The following CCSER1 variants were observed in gnomAD, a reference collection of about 807,000 sequenced individuals.
CCSER1 encodes serine-rich coiled-coil domain-containing protein 1.
In CCSER1, 41 loss-of-function variants were observed where a neutral mutation model predicts 82.0. The observed-to-expected ratio is 0.50, with a 90% CI of 0.39 to 0.65. CCSER1 has a LOEUF of 0.65. Among genes scored for constraint, CCSER1 ranks in the 30% least tolerant of loss-of-function variants. CCSER1 has a pLI of 0.00. For missense variants in CCSER1, 1,119 were observed against 1,064.2 expected, an observed-to-expected ratio of 1.05 and a Z score of -0.72; for synonymous variants, 414 against 383.9, an observed-to-expected ratio of 1.08 and a Z score of -0.92.
intron 10 of CCSER1, among the ~76,000 whole-genome samples, chr4:91,553,576 T>A (rs1473545947): frequency 1.3e-5 from 2 of 151,426 alleles, no homozygotes; most frequent in South Asian, 2.1e-4. Context: ...ACGGGAATTT[T>A]TTTTTTGTCT....
intron 3 of CCSER1, among the ~76,000 whole-genome samples, chr4:90,336,593 T>C (rs1007267056): frequency 1.3e-5 from 2 of 152,196 alleles, no homozygotes; most frequent in Non-Finnish European, 2.9e-5. Flanking sequence ...ATTTCCCTTA[T>C]CATTATGTGA....
At chr4:91,322,794 G>A (rs983859880) in intron 10 of CCSER1, among the ~76,000 whole-genome samples, 2 of 152,096 alleles carry the variant, frequency 1.3e-5, no homozygotes, top group Admixed American at 6.6e-5. Flanking sequence ...AAACATGCCA[G>A]ATGAATAAAA....
chr4:91,018,977 C>G (rs772498220), intron 9 of CCSER1, among the ~76,000 whole-genome samples: 1 of 151,942 alleles, frequency 6.6e-6, no homozygotes, highest in Non-Finnish European at 1.5e-5. Context: ...CTATACTGCT[C>G]TGTATGAGAG....
intron 10 of CCSER1, among the ~76,000 whole-genome samples, chr4:91,264,329 G>T (rs1741410833): frequency 6.6e-6 from 1 of 151,654 alleles, no homozygotes; most frequent in South Asian, 2.1e-4. Flanking sequence ...AAAAATCATG[G>T]TTGTAGTTAG....
intron 3 of CCSER1, among the ~76,000 whole-genome samples, chr4:90,362,264 C>G (rs1009006507): frequency 1.3e-5 from 2 of 152,098 alleles, no homozygotes; most frequent in African/African-American, 2.4e-5. Context: ...ACAACCTTTA[C>G]AGTTCTTGAT....
At chr4:90,814,450 A>T (rs79128874) in intron 7 of CCSER1, among the ~76,000 whole-genome samples, 3,323 of 152,094 alleles carry the variant, frequency 0.022, 126 homozygotes, top group African/African-American at 0.076. Flanking sequence ...GTCATCTTGA[A>T]TTTTTCCCCA....
At chr4:91,478,388 G>A (rs1411445083) in intron 10 of CCSER1, among the ~76,000 whole-genome samples, 4 of 151,750 alleles carry the variant, frequency 2.6e-5, no homozygotes, top group African/African-American at 7.2e-5. Flanking sequence ...GAAACAATAT[G>A]TCATTTAGTT....
At chr4:91,562,317 C>G (rs113617078) in intron 10 of CCSER1, among the ~76,000 whole-genome samples, 133 of 151,424 alleles carry the variant, frequency 8.8e-4, no homozygotes, top group African/African-American at 3.1e-3. Context: ...CTTAAAAATT[C>G]TTAAAGCAGA....
Position 91,016,185 on chromosome 4 carries a change from T to C in CCSER1, c.2173-69765T>C, listed in dbSNP as rs185187108. Among the ~76,000 whole-genome samples, 580 of 152,138 alleles carry C rather than the reference T, an allele frequency of 3.8e-3. 6 individuals are homozygous for C. The highest frequency in any genetic ancestry group is 0.013 in the African/African-American group (555 of 41,570). ...TTGAAGTTGACTGGATGATGTTGAA[T>C]AGCTCTAAGTTTTATAAACGTACTT... On this transcript the variant is annotated intron_variant, in intron 9 of 10. Transcript: ENST00000509176.
intron 6 of CCSER1, among the ~76,000 whole-genome samples, chr4:90,648,161 C>T (rs1727934334): frequency 6.6e-6 from 1 of 151,348 alleles, no homozygotes; most frequent in Non-Finnish European, 1.5e-5. Flanking sequence ...CATAGACTCA[C>T]AGTTTTTTGT....
At chr4:91,250,947 G>A (rs1377046467) in intron 10 of CCSER1, among the ~76,000 whole-genome samples, 1 of 151,934 alleles carries the variant, frequency 6.6e-6, no homozygotes, top group Non-Finnish European at 1.5e-5. Context: ...TAAAAATTAC[G>A]ACAATAGTGA....
At position 91,390,675 on chromosome 4, in the gene CCSER1, G is replaced by A. The variant is rs182682562; in HGVS notation, c.2218-207897G>A. On this transcript the variant is annotated intron_variant, in intron 10 of 10. Transcript: ENST00000509176. ...AATTTGTATAATTTTCTCCTTAGAT[G>A]TTTGGTAGAATTCACCAGTGAACCC... 2.2e-4 allele frequency among the ~76,000 whole-genome samples: 34 copies of A among 152,024 alleles called. No homozygotes were observed. In the East Asian group the frequency reaches 5.0e-3, roughly 22 times the overall value.
At chr4:90,298,675 G>T (rs1299956277) in intron 1 of CCSER1, among the ~76,000 whole-genome samples, 1 of 151,500 alleles carries the variant, frequency 6.6e-6, no homozygotes. Context: ...ATGTGTCCCA[G>T]AGATTCTGGT....
intron 10 of CCSER1, among the ~76,000 whole-genome samples, chr4:91,541,194 T>A (rs1305371943): frequency 1.3e-5 from 2 of 152,220 alleles, no homozygotes; most frequent in Non-Finnish European, 2.9e-5. Context: ...TAGTCTCTAC[T>A]TATTTAGTTC....
intron 8 of CCSER1, among the ~76,000 whole-genome samples, chr4:90,867,611 G>A (rs903420541): frequency 2.6e-4 from 39 of 151,570 alleles, no homozygotes; most frequent in African/African-American, 9.0e-4. Flanking sequence ...TCACCCTGTT[G>A]TGCTGTCAAA....
chr4:91,131,602 G>A (rs887008159), intron 10 of CCSER1, among the ~76,000 whole-genome samples: 1 of 151,948 alleles, frequency 6.6e-6, no homozygotes, highest in Non-Finnish European at 1.5e-5. Flanking sequence ...AAAAATCTAT[G>A]TGTATACATA....
At chr4:90,901,406 G>C (rs1172328766) in intron 8 of CCSER1, among the ~76,000 whole-genome samples, 1 of 151,884 alleles carries the variant, frequency 6.6e-6, no homozygotes, top group Non-Finnish European at 1.5e-5. Context: ...GTACTTATGG[G>C]TGCTTTTATG....
chr4:91,168,924 G>A (rs1037498904), intron 10 of CCSER1, among the ~76,000 whole-genome samples: 5 of 152,018 alleles, frequency 3.3e-5, no homozygotes, highest in Admixed American at 2.0e-4. Flanking sequence ...TCTCTGAAAC[G>A]TGCTGTGTCA....
chr4:91,065,192 A>G (rs1003623935), intron 9 of CCSER1, among the ~76,000 whole-genome samples: 1 of 152,162 alleles, frequency 6.6e-6, no homozygotes. Flanking sequence ...CTTTTTAGGA[A>G]GATTTAAGAA....
Sources: allele counts gnomAD v4.1 joint callset (sites outside exome capture counted in the v4.1 genomes callset), GRCh38; gene constraint gnomAD v4.1.1; transcripts MANE v1.5; gene names NCBI Gene and HGNC (gene_info 2026-07-23, HGNC 2026-07-21).